The following EDA variants were observed in gnomAD, a reference collection of about 807,000 sequenced individuals.
EDA encodes the protein ectodysplasin A, also known as ectodysplasin-A.
In EDA, 2 loss-of-function variants were observed where a neutral mutation model predicts 23.6. The ratio of observed to expected loss-of-function variants is 0.08; its 90% CI spans 0.03 to 0.27. EDA has a LOEUF of 0.27. Ranked by LOEUF, EDA falls within the 10% of genes least tolerant of loss-of-function variation. The pLI is 1.00. For missense variants in EDA, 229 were observed against 324.2 expected (o/e 0.71, Z 2.26); for synonymous variants, 131 against 132.0 (o/e 0.99, Z 0.05).
chrX:69,636,232 AGT>A (rs750354000), intron 1 of EDA, among the ~76,000 whole-genome samples: 1 of 109,955 alleles, frequency 9.1e-6, no homozygotes, highest in African/African-American at 3.3e-5. Context: ...GTTGTTTAAA[AGT>A]GTGTGGCACC....
intron 1 of EDA, among the ~76,000 whole-genome samples, chrX:69,861,859 G>C (rs1052702381): frequency 1.7e-4 from 19 of 111,624 alleles, no homozygotes; most frequent in Admixed American, 3.8e-4. Flanking sequence ...GAATCCATGA[G>C]GACAAAGAGA....
intron 1 of EDA, among the ~76,000 whole-genome samples, chrX:69,786,242 C>T (rs950127721): frequency 3.6e-5 from 4 of 111,211 alleles, no homozygotes; most frequent in African/African-American, 1.3e-4. Flanking sequence ...AAAAACCCAG[C>T]GCCTGGATTC....
At chrX:69,764,626 T>G (rs962320569) in intron 1 of EDA, among the ~76,000 whole-genome samples, 14 of 111,445 alleles carry the variant, frequency 1.3e-4, no homozygotes, top group African/African-American at 4.6e-4. Context: ...CAAGGAAAAC[T>G]GTTGTTTTTC....
At chrX:69,908,173 G>T (rs1374401128) in intron 1 of EDA, among the ~76,000 whole-genome samples, 1 of 111,582 alleles carries the variant, frequency 9.0e-6, no homozygotes, top group Non-Finnish European at 1.9e-5. Context: ...CTCCAAGTTG[G>T]TTCTCTAAGA....
intron 2 of EDA, among the ~76,000 whole-genome samples, chrX:69,957,843 G>A (rs1388446007): frequency 8.9e-6 from 1 of 112,003 alleles, no homozygotes; most frequent in Non-Finnish European, 1.9e-5. Context: ...TAATTCCAAT[G>A]ATAATTTTAT....
intron 1 of EDA, among the ~76,000 whole-genome samples, chrX:69,732,474 C>G (rs2013074584): frequency 8.9e-6 from 1 of 112,305 alleles, no homozygotes; most frequent in Admixed American, 9.4e-5. Context: ...TGTATATGTG[C>G]CACATTTTCT....
Position 70,035,360 on chromosome X carries a change from A to G in EDA, c.927A>G (p.Val309=), listed in dbSNP as rs1037925732. The G allele has an allele frequency of 3.3e-6, 4 of 1,205,921 alleles. No homozygotes were observed. In the African/African-American group the frequency reaches 7.1e-5, roughly 21 times the overall value. Residue 309 remains valine (V), a splice_region_variant and synonymous_variant, in exon 8 of 8, where the codon GTA becomes GTG. Coordinates refer to ENST00000374552, the MANE Select transcript of EDA (RefSeq NM_001399.5). ...GTYFIYSQVE[V]YYINFTDFAS... Reference sequence around the variant, plus strand: ...CCTTCTTGTTGCCTCTCACTCAGGTATACTACATCAACTTCACTGACTTTG... The same window carrying G: ...CCTTCTTGTTGCCTCTCACTCAGGTGTACTACATCAACTTCACTGACTTTG...
At chrX:69,876,187 G>A (rs1290798690) in intron 1 of EDA, among the ~76,000 whole-genome samples, 1 of 111,112 alleles carries the variant, frequency 9.0e-6, no homozygotes, top group Non-Finnish European at 1.9e-5. Flanking sequence ...GCCTGCACAC[G>A]CATGTTTATA....
intron 1 of EDA, among the ~76,000 whole-genome samples, chrX:69,728,419 C>T (rs1029612210): frequency 9.0e-6 from 1 of 111,462 alleles, no homozygotes; most frequent in African/African-American, 3.3e-5. Flanking sequence ...AGTAAAACAT[C>T]CTGTGGAGAA....
intron 1 of EDA, among the ~76,000 whole-genome samples, chrX:69,726,932 G>T (rs2012828182): frequency 8.9e-6 from 1 of 112,358 alleles, no homozygotes; most frequent in African/African-American, 3.2e-5. Flanking sequence ...AGACGGCTAC[G>T]TGTTAAACCA....
intron 1 of EDA, among the ~76,000 whole-genome samples, chrX:69,914,294 A>G (rs1031906370): frequency 9.0e-6 from 1 of 111,531 alleles, no homozygotes; most frequent in Non-Finnish European, 1.9e-5. Flanking sequence ...CCATGATTAG[A>G]AGTGGAGCCA....
intron 1 of EDA, among the ~76,000 whole-genome samples, chrX:69,886,155 C>T (rs1017528603): frequency 2.7e-5 from 3 of 111,990 alleles, no homozygotes; most frequent in Admixed American, 9.5e-5. Context: ...TTGCTGTGCT[C>T]TGCAGGCAAG....
At chrX:69,648,124 G>A (rs938642217) in intron 1 of EDA, among the ~76,000 whole-genome samples, 8 of 111,856 alleles carry the variant, frequency 7.2e-5, no homozygotes, top group Non-Finnish European at 1.5e-4. Context: ...TGTGCCTGTA[G>A]GAAGGAGCTA....
chrX:69,747,535 A>G (rs951837514), intron 1 of EDA, among the ~76,000 whole-genome samples: 6 of 112,423 alleles, frequency 5.3e-5, no homozygotes, highest in Non-Finnish European at 1.1e-4. Flanking sequence ...TTGTGCTTTA[A>G]CATGATTACT....
rs1463797895 is a variant in EDA, at chrX:70,035,613, C to T, written c.*4C>T. 2 of 1,207,131 alleles carry T rather than the reference C, an allele frequency of 1.7e-6. No individual in the cohort carries two copies. The highest frequency in any genetic ancestry group is 2.2e-5 in the Admixed American group (1 of 45,312). On this transcript the variant is annotated 3_prime_UTR_variant, in exon 8 of 8. Transcript: ENST00000374552. ...GGGTGAAGCCCCTGCATCCTAGATT[C>T]CCCCCATTTTGCCTCTGTCCGTGCC...
chrX:69,654,427 A>C (rs370864616), intron 1 of EDA, among the ~76,000 whole-genome samples: 1,120 of 111,286 alleles, frequency 0.01, 8 homozygotes, highest in African/African-American at 0.021. Flanking sequence ...TACCATTTGA[A>C]CCAGCCATCC....
At chrX:69,753,246 A>G (rs769992379) in intron 1 of EDA, among the ~76,000 whole-genome samples, 2 of 111,698 alleles carry the variant, frequency 1.8e-5, no homozygotes, top group East Asian at 2.8e-4. Context: ...ACACTGCTTT[A>G]AATGTGTCCC....
At chrX:69,895,328 A>G (rs189415078) in intron 1 of EDA, among the ~76,000 whole-genome samples, 6 of 107,978 alleles carry the variant, frequency 5.6e-5, no homozygotes, top group African/African-American at 1.7e-4. Context: ...CAGCGGTGAG[A>G]CTGGATTTGT....
intron 1 of EDA, among the ~76,000 whole-genome samples, chrX:69,636,517 A>G: frequency 9.1e-6 from 1 of 109,943 alleles, no homozygotes; most frequent in East Asian, 2.8e-4. Context: ...TACCTTATCT[A>G]GTAAACTGAA....
Sources: gnomAD v4.1 joint callset for allele counts (sites outside exome capture counted in the v4.1 genomes callset) on GRCh38, gnomAD v4.1.1 for gene constraint, MANE v1.5 for transcripts, NCBI Gene and HGNC (gene_info 2026-07-23, HGNC 2026-07-21) for gene names.